Variants in FERRY3 observed in about 807,000 individuals in gnomAD.
The protein encoded by FERRY3 is protein C12orf4.
the FERRY3 span, among the ~76,000 whole-genome samples, chr12:4,504,500 T>C: frequency 6.6e-6 from 1 of 151,894 alleles, no homozygotes; most frequent in Admixed American, 6.6e-5. Flanking sequence ...AGGAGAAAAA[T>C]GGAAAGCAGA....
the FERRY3 span, among the ~76,000 whole-genome samples, chr12:4,503,137 C>T: frequency 1.3e-5 from 2 of 152,188 alleles, no homozygotes; most frequent in Non-Finnish European, 2.9e-5. Context: ...AAGTCAGGTG[C>T]TCCTAATCCC....
At chr12:4,531,963 A>G in the FERRY3 span, among the ~76,000 whole-genome samples, 6 of 152,208 alleles carry the variant, frequency 3.9e-5, no homozygotes, top group African/African-American at 1.4e-4. Context: ...GACCAGGGGA[A>G]AGCAAAAAGA....
the FERRY3 span, among the ~76,000 whole-genome samples, chr12:4,517,896 A>T: frequency 1.3e-5 from 2 of 152,072 alleles, no homozygotes; most frequent in Non-Finnish European, 2.9e-5. Flanking sequence ...TATCGATGCT[A>T]CAGTTTGAAA....
At chr12:4,517,095 T>C in the FERRY3 span, 1 of 1,590,080 alleles carries the variant, frequency 6.3e-7, no homozygotes, top group Non-Finnish European at 8.6e-7. Flanking sequence ...TGCGCTGGGT[T>C]CTAGCATAAA....
the FERRY3 span, among the ~76,000 whole-genome samples, chr12:4,522,322 G>A: frequency 6.6e-3 from 1,009 of 152,276 alleles, 13 homozygotes; most frequent in African/African-American, 0.022. Context: ...CAGAGTGGGA[G>A]AAAGTATTTG....
the FERRY3 span, among the ~76,000 whole-genome samples, chr12:4,506,960 C>T: frequency 6.6e-6 from 1 of 152,116 alleles, no homozygotes; most frequent in Non-Finnish European, 1.5e-5. Flanking sequence ...TTAAGAAAGT[C>T]TTTTATAAAC....
At chr12:4,497,268 G>A in the FERRY3 span, among the ~76,000 whole-genome samples, 2 of 152,066 alleles carry the variant, frequency 1.3e-5, no homozygotes, top group African/African-American at 4.8e-5. Flanking sequence ...TTGAACGAAA[G>A]AAGCCAGATA....
At chr12:4,534,382 A>T in the FERRY3 span, 7 of 1,417,822 alleles carry the variant, frequency 4.9e-6, no homozygotes, top group Non-Finnish European at 5.6e-6. Flanking sequence ...GAGAATTCCA[A>T]TGTGAAATCT....
chr12:4,514,337 C>T, the FERRY3 span, among the ~76,000 whole-genome samples: 3 of 151,092 alleles, frequency 2.0e-5, no homozygotes, highest in Admixed American at 6.6e-5. Flanking sequence ...GTCAGTGTGG[C>T]GATTCCTCAG....
chr12:4,531,827 T>C, the FERRY3 span, among the ~76,000 whole-genome samples: 1 of 152,196 alleles, frequency 6.6e-6, no homozygotes, highest in Non-Finnish European at 1.5e-5. Flanking sequence ...CCCCACATCC[T>C]GCCATCAACC....
At chr12:4,489,940 C>A in the FERRY3 span, 1 of 1,273,220 alleles carries the variant, frequency 7.9e-7, no homozygotes. Flanking sequence ...GTTAAATCAT[C>A]ATTGATTTTA....
chr12:4,536,043 T>G, the FERRY3 span: 1 of 1,602,354 alleles, frequency 6.2e-7, no homozygotes, highest in Middle Eastern at 1.7e-4. Flanking sequence ...CGGTAAACTG[T>G]GCAGCAGCAT....
At chr12:4,536,003 A>C in the FERRY3 span, 2 of 1,517,628 alleles carry the variant, frequency 1.3e-6, no homozygotes, top group East Asian at 4.9e-5. Flanking sequence ...CTTAAAAAAA[A>C]AAACAGTCCT....
the FERRY3 span, chr12:4,489,523 T>C: frequency 4.9e-6 from 1 of 204,344 alleles, no homozygotes; most frequent in East Asian, 1.1e-4. Flanking sequence ...CAAGTGTCCA[T>C]GTGTGATAAA....
the FERRY3 span, chr12:4,529,754 TGAA>T: frequency 1.2e-6 from 1 of 859,034 alleles, no homozygotes; most frequent in Non-Finnish European, 1.7e-6. Flanking sequence ...TTTCTAATAT[TGAA>T]GTTTTTTTTT....
chr12:4,535,957 C>A, the FERRY3 span: 1 of 1,351,570 alleles, frequency 7.4e-7, no homozygotes, highest in Non-Finnish European at 9.8e-7. This position sits in a 1 kb window ranked among gnomAD's most constrained non-coding sequence, Gnocchi z 4.0. Context: ...ATGAAACTTC[C>A]AATGACAGAC....
At chr12:4,488,457 G>A in the FERRY3 span, 1 of 152,222 alleles carries the variant, frequency 6.6e-6, no homozygotes, top group African/African-American at 2.4e-5. This position sits in a 1 kb window ranked among gnomAD's most constrained non-coding sequence, Gnocchi z 4.9. Flanking sequence ...CTGCCTTCTT[G>A]GCAGAATCGC....
At chr12:4,520,471 C>A in the FERRY3 span, among the ~76,000 whole-genome samples, 1 of 152,244 alleles carries the variant, frequency 6.6e-6, no homozygotes, top group South Asian at 2.1e-4. Flanking sequence ...CTCCACTCTG[C>A]AGCTCTGGCA....
chr12:4,517,964 A>C, the FERRY3 span: 1 of 1,167,352 alleles, frequency 8.6e-7, no homozygotes, highest in South Asian at 1.5e-5. Context: ...AGGTGATTAA[A>C]ATTTTTTTTC....
Sources: gnomAD v4.1 joint callset for allele counts (sites outside exome capture counted in the v4.1 genomes callset) on GRCh38, gnomAD v4.1.1 for gene constraint, Gnocchi (gnomAD v3.1) non-coding constraint, MANE v1.5 for transcripts, NCBI Gene and HGNC (gene_info 2026-07-23, HGNC 2026-07-21) for gene names.